The following EPB41L2 variants were observed in gnomAD, a reference collection of about 807,000 sequenced individuals.
The protein encoded by EPB41L2 is erythrocyte membrane protein band 4.1 like 2, also known as band 4.1-like protein 2.
EPB41L2 carries 43 observed loss-of-function variants against 113.0 expected under a neutral mutation model. The ratio of observed to expected loss-of-function variants is 0.38; its 90% CI spans 0.30 to 0.49. EPB41L2 has a LOEUF of 0.49. Among genes scored for constraint, EPB41L2 ranks in the 20% least tolerant of loss-of-function variants. EPB41L2 has a pLI of 0.95. For missense variants in EPB41L2, 1,147 were observed against 1,223.4 expected (o/e 0.94, Z 0.93); for synonymous variants, 442 against 436.7 (o/e 1.01, Z -0.15).
intron 14 of EPB41L2, among the ~76,000 whole-genome samples, 193 bp downstream of exon 14, chr6:130,877,911 C>A (rs1362636261): frequency 6.6e-6 from 1 of 152,034 alleles, no homozygotes; most frequent in Non-Finnish European, 1.5e-5. Flanking sequence ...GAAACTCATG[C>A]AATTTACCTA....
At chr6:130,961,578 G>A (rs1283437323) in intron 1 of EPB41L2, among the ~76,000 whole-genome samples, 1 of 152,144 alleles carries the variant, frequency 6.6e-6, no homozygotes, top group Non-Finnish European at 1.5e-5. Flanking sequence ...GCAAAGCAAA[G>A]CAGATACACA....
At chr6:130,842,943 A>C (rs1357366678) in intron 19 of EPB41L2, among the ~76,000 whole-genome samples, 1 of 152,158 alleles carries the variant, frequency 6.6e-6, no homozygotes, top group Non-Finnish European at 1.5e-5. Flanking sequence ...CAGCTTTCAG[A>C]ATCATTTTAT....
intron 3 of EPB41L2, among the ~76,000 whole-genome samples, chr6:130,950,486 C>T (rs938537290): frequency 3.3e-5 from 5 of 151,580 alleles, no homozygotes; most frequent in Non-Finnish European, 4.4e-5. Context: ...GTAACTAACT[C>T]GGGAAAAAAA....
intron 1 of EPB41L2, among the ~76,000 whole-genome samples, chr6:130,994,212 T>C (rs1782547714): frequency 6.6e-6 from 1 of 152,108 alleles, no homozygotes; most frequent in Non-Finnish European, 1.5e-5. Flanking sequence ...TAGCCCCTTT[T>C]CCAAGATGAC....
intron 1 of EPB41L2, among the ~76,000 whole-genome samples, chr6:131,048,898 CA>C (rs769262256): frequency 1.7e-4 from 26 of 150,430 alleles, no homozygotes; most frequent in African/African-American, 5.1e-4. Flanking sequence ...AAAACCTAAC[CA>C]GAAAAAAAAA....
intron 1 of EPB41L2, among the ~76,000 whole-genome samples, chr6:131,026,945 TACCTC>T (rs1484172355): frequency 6.6e-6 from 1 of 152,188 alleles, no homozygotes; most frequent in African/African-American, 2.4e-5. Flanking sequence ...TTCCTTTAGG[TACCTC>T]AATGCATGTA....
intron 1 of EPB41L2, among the ~76,000 whole-genome samples, chr6:130,962,967 C>T (rs979723745): frequency 1.3e-5 from 2 of 152,152 alleles, no homozygotes; most frequent in African/African-American, 4.8e-5. Flanking sequence ...AAGAGGAGGC[C>T]CCTTCTGCTG....
In EPB41L2 at chr6:130,926,656, G is replaced by A. The variant is rs1312371681; in HGVS notation, c.759C>T (p.Leu253=). Residue 253 remains leucine (L), a synonymous_variant, in exon 4 of 20, where the codon CTC becomes CTT. Transcript: ENST00000337057. The part of the protein sequence containing the change: ...LFDKVCEHLN[L]LEKDYFGLLF... The stretch of plus-strand genomic sequence containing the variant: ...AAAGTCCAAAGTAGTCTTTCTCCAA[G>A]AGATTGAGGTGTTCACACACTTTGT... 4 of 1,610,028 alleles carry A rather than the reference G, an allele frequency of 2.5e-6. No homozygotes were observed. Among genetic ancestry groups the A allele is most frequent in the South Asian group, 2.2e-5 (2 of 89,382 alleles).
At chr6:131,041,545 A>C (rs1191638884) in intron 1 of EPB41L2, among the ~76,000 whole-genome samples, 1 of 152,140 alleles carries the variant, frequency 6.6e-6, no homozygotes, top group East Asian at 1.9e-4. Context: ...TATACTCCTA[A>C]CTCCCAATTA....
At chr6:131,062,092 AAAG>A (rs1251955381) in intron 1 of EPB41L2, among the ~76,000 whole-genome samples, 3 of 151,950 alleles carry the variant, frequency 2.0e-5, no homozygotes, top group African/African-American at 7.3e-5. Context: ...CAATTCAATG[AAAG>A]ACTACCCGGG....
intron 1 of EPB41L2, among the ~76,000 whole-genome samples, chr6:130,998,271 AAAT>A (rs1241939866): frequency 1.3e-5 from 2 of 152,242 alleles, no homozygotes; most frequent in Non-Finnish European, 2.9e-5. Context: ...TATGAAAATC[AAAT>A]AATTTTCACA....
intron 1 of EPB41L2, among the ~76,000 whole-genome samples, chr6:131,019,209 T>C (rs999972807): frequency 5.3e-5 from 8 of 152,320 alleles, no homozygotes; most frequent in African/African-American, 1.2e-4. Context: ...GATTTATCCA[T>C]AAAGATTTTA....
chr6:130,908,690 A>T, intron 5 of EPB41L2, 131 bp downstream of exon 5: 1 of 591,404 alleles, frequency 1.7e-6, no homozygotes, highest in South Asian at 3.9e-5. Context: ...CCACAAAAAT[A>T]TTATTAGTAT....
chr6:131,018,516 C>A (rs1788747930), intron 1 of EPB41L2, among the ~76,000 whole-genome samples: 1 of 152,140 alleles, frequency 6.6e-6, no homozygotes, highest in Non-Finnish European at 1.5e-5. Flanking sequence ...TTTCTTTTCA[C>A]TGTGGTAATT....
chr6:130,889,280 A>C (rs887685540), intron 11 of EPB41L2, among the ~76,000 whole-genome samples: 3 of 151,984 alleles, frequency 2.0e-5, no homozygotes, highest in Non-Finnish European at 4.4e-5. Flanking sequence ...ATATTCCTTC[A>C]CAAGGCATTC....
At chr6:130,878,061 G>T in intron 14 of EPB41L2, 43 bp downstream of exon 14, 1 of 1,505,108 alleles carries the variant, frequency 6.6e-7, no homozygotes, top group South Asian at 1.4e-5. Flanking sequence ...GTTTTATTGA[G>T]CAACTGAAGT....
chr6:130,897,911 G>T (rs1795127764), intron 8 of EPB41L2, among the ~76,000 whole-genome samples: 1 of 151,948 alleles, frequency 6.6e-6, no homozygotes, highest in Non-Finnish European at 1.5e-5. Flanking sequence ...TGTAAAAAAT[G>T]AGATGGTATG....
intron 4 of EPB41L2, among the ~76,000 whole-genome samples, chr6:130,926,220 G>A (rs568319485): frequency 3.3e-5 from 5 of 152,348 alleles, no homozygotes; most frequent in South Asian, 4.1e-4. Flanking sequence ...ATGAGCAGAT[G>A]TGACCAGCTT....
At chr6:130,945,563 T>C (rs1812517772) in intron 3 of EPB41L2, among the ~76,000 whole-genome samples, 1 of 152,204 alleles carries the variant, frequency 6.6e-6, no homozygotes, top group African/African-American at 2.4e-5. Flanking sequence ...TAACTCAGAA[T>C]GCACATTCAC....
Sources: gnomAD v4.1 joint callset for allele counts (sites outside exome capture counted in the v4.1 genomes callset) on GRCh38, gnomAD v4.1.1 for gene constraint, MANE v1.5 for transcripts, NCBI Gene and HGNC (gene_info 2026-07-23, HGNC 2026-07-21) for gene names.